Variants in ATRNL1 observed in about 807,000 individuals in gnomAD.
ATRNL1 encodes the protein attractin like 1.
ATRNL1 carries 95 observed loss-of-function variants against 182.7 expected under a neutral mutation model. That is an observed-to-expected ratio of 0.52 (90% CI 0.44 to 0.62). ATRNL1 has a LOEUF of 0.62. ATRNL1 is among the 20% of genes least tolerant of loss of function. ATRNL1 has a pLI of 0.00. For missense variants in ATRNL1, 1,471 were observed against 1,679.5 expected (o/e 0.88, Z 2.17); for synonymous variants, 576 against 568.3 (o/e 1.01, Z -0.19).
chr10:115,204,307 C>A (rs1419300338), intron 8 of ATRNL1, among the ~76,000 whole-genome samples: 1 of 151,924 alleles, frequency 6.6e-6, no homozygotes, highest in Non-Finnish European at 1.5e-5. Flanking sequence ...ATTCCTCTGG[C>A]TAGGGCTTCT....
intron 27 of ATRNL1, among the ~76,000 whole-genome samples, chr10:115,771,272 C>T (rs1284962405): frequency 1.3e-5 from 2 of 151,488 alleles, no homozygotes; most frequent in African/African-American, 4.8e-5. Context: ...ACTCTTTCGC[C>T]CAGGCCGGAC....
At chr10:115,310,511 C>T (rs967724613) in intron 17 of ATRNL1, among the ~76,000 whole-genome samples, 1 of 152,000 alleles carries the variant, frequency 6.6e-6, no homozygotes, top group Non-Finnish European at 1.5e-5. Context: ...AGTCCCGCTG[C>T]TTGTTATTGA....
chr10:115,591,955 A>G (rs1243065704), intron 26 of ATRNL1, among the ~76,000 whole-genome samples: 2 of 152,238 alleles, frequency 1.3e-5, no homozygotes, highest in Admixed American at 1.3e-4. Flanking sequence ...GTTAAAGAAA[A>G]TGTAGTACAT....
At chr10:115,532,816 T>C in intron 25 of ATRNL1, among the ~76,000 whole-genome samples, 1 of 152,150 alleles carries the variant, frequency 6.6e-6, no homozygotes, top group Admixed American at 6.5e-5. Flanking sequence ...ACCTAATTTA[T>C]TGAGAGTTTT....
At chr10:115,650,889 A>C (rs1859947193) in intron 26 of ATRNL1, among the ~76,000 whole-genome samples, 1 of 152,106 alleles carries the variant, frequency 6.6e-6, no homozygotes, top group Middle Eastern at 3.4e-3. Flanking sequence ...CACTTGAATA[A>C]TCTCTCTCTG....
chr10:115,545,417 G>A lies in ATRNL1; in HGVS notation c.3717-4041G>A, dbSNP rs955751502. On this transcript the variant is annotated intron_variant, in intron 25 of 28. Coordinates refer to ENST00000355044, the MANE Select transcript of ATRNL1 (RefSeq NM_207303.4). ...TTGATTTTAGTAGCCAAGTTTCTAC[G>A]TCACGTTAGCTCTTTTACTGCTAAC... Among the ~76,000 whole-genome samples the A allele has an allele frequency of 4.0e-5, 6 of 151,860 alleles. No individual in the cohort carries two copies. In the South Asian group the frequency reaches 6.2e-4, roughly 16 times the overall value.
At chr10:115,807,525 A>G (rs1949949189) in intron 27 of ATRNL1, among the ~76,000 whole-genome samples, 1 of 152,200 alleles carries the variant, frequency 6.6e-6, no homozygotes, top group African/African-American at 2.4e-5. Context: ...ATTGTTGAGA[A>G]AATATTTGGA....
intron 19 of ATRNL1, among the ~76,000 whole-genome samples, chr10:115,379,951 C>G (rs1554950630): frequency 1.3e-5 from 2 of 152,164 alleles, no homozygotes; most frequent in African/African-American, 4.8e-5. Flanking sequence ...CTCAGCCTCC[C>G]TAGTAGCTGG....
intron 28 of ATRNL1, among the ~76,000 whole-genome samples, chr10:115,882,720 T>G (rs1951854326): frequency 6.6e-6 from 1 of 152,190 alleles, no homozygotes; most frequent in African/African-American, 2.4e-5. Flanking sequence ...AGGAGTAGAA[T>G]GGCGTCTCTT....
At chr10:115,223,931 T>TATA (rs1849588854) in intron 9 of ATRNL1, among the ~76,000 whole-genome samples, 5 of 39,218 alleles carry the variant, frequency 1.3e-4, no homozygotes, top group South Asian at 7.3e-4. Context: ...ATATATATAT[T>TATA]TTTTTTTTTT....
chr10:115,390,514 C>A (rs1554954106), intron 19 of ATRNL1, among the ~76,000 whole-genome samples: 1 of 152,080 alleles, frequency 6.6e-6, no homozygotes, highest in African/African-American at 2.4e-5. Context: ...TATTGCTGGG[C>A]TCTATATTCT....
intron 1 of ATRNL1, among the ~76,000 whole-genome samples, chr10:115,107,072 G>A (rs547586905): frequency 3.2e-4 from 49 of 152,236 alleles, no homozygotes; most frequent in East Asian, 5.8e-4. Flanking sequence ...AGGTAACAGC[G>A]TTAATGCCCT....
chr10:115,374,295 T>G (rs1279015607), intron 19 of ATRNL1, among the ~76,000 whole-genome samples: 1 of 151,770 alleles, frequency 6.6e-6, no homozygotes, highest in Non-Finnish European at 1.5e-5. Flanking sequence ...AGGAAAAAAC[T>G]CTTAGTTTCA....
At chr10:115,296,696 G>A (rs1289794163) in intron 15 of ATRNL1, among the ~76,000 whole-genome samples, 2 of 150,736 alleles carry the variant, frequency 1.3e-5, no homozygotes, top group Non-Finnish European at 2.9e-5. Flanking sequence ...TTTTTTTTAC[G>A]TCTGGGATTA....
intron 7 of ATRNL1, among the ~76,000 whole-genome samples, chr10:115,169,956 A>G (rs1292863616): frequency 6.6e-6 from 1 of 152,130 alleles, no homozygotes; most frequent in African/African-American, 2.4e-5. Flanking sequence ...TTACAAGTGT[A>G]TGGAAATACA....
chr10:115,539,780 C>T (rs1852245236), intron 25 of ATRNL1, among the ~76,000 whole-genome samples: 1 of 152,088 alleles, frequency 6.6e-6, no homozygotes, highest in African/African-American at 2.4e-5. Context: ...GGGAATATTC[C>T]TCTAATCATA....
rs782334661 is a variant in ATRNL1 at position 115,286,337 on chromosome 10, A to G, written c.2355A>G (p.Ser785=). Residue 785 remains serine (S), a synonymous_variant, in exon 15 of 29, where the codon TCA becomes TCG. Transcript: ENST00000355044. ...ATAATCTTAGTGGAAATCTTGCTTCATTAACAACCTCAAAAGAAGTAGAAT... is the reference window on the plus strand; with the variant it reads ...ATAATCTTAGTGGAAATCTTGCTTCGTTAACAACCTCAAAAGAAGTAGAAT... ...YCYNLSGNLA[S]LTTSKEVEFV... is the part of the protein sequence containing the mutation. The G allele has an allele frequency of 2.5e-6, 4 of 1,608,292 alleles. No homozygotes were observed. In the Admixed American group the frequency reaches 6.7e-5, roughly 27 times the overall value.
At chr10:115,685,849 A>T (rs1305771600) in intron 26 of ATRNL1, among the ~76,000 whole-genome samples, 1 of 151,744 alleles carries the variant, frequency 6.6e-6, no homozygotes, top group Non-Finnish European at 1.5e-5. Flanking sequence ...TTTAATTATC[A>T]AAATTTTTCT....
intron 10 of ATRNL1, among the ~76,000 whole-genome samples, chr10:115,258,111 T>A (rs777694782): frequency 2.0e-5 from 3 of 152,166 alleles, no homozygotes; most frequent in Non-Finnish European, 2.9e-5. Context: ...TTGAGGAGTA[T>A]CTTTGTGGTG....
Sources: gnomAD v4.1 joint callset for allele counts (sites outside exome capture counted in the v4.1 genomes callset) on GRCh38, gnomAD v4.1.1 for gene constraint, MANE v1.5 for transcripts, NCBI Gene and HGNC (gene_info 2026-07-23, HGNC 2026-07-21) for gene names.